TBC1D1: variants seen among roughly 807,000 people sequenced by gnomAD.
The protein encoded by TBC1D1 is TBC1 domain family member 1.
TBC1D1 carries 89 observed loss-of-function variants against 125.6 expected under a neutral mutation model. That is an observed-to-expected ratio of 0.71 (90% CI 0.60 to 0.85). The LOEUF (loss-of-function observed/expected upper bound fraction) is 0.85, where lower values mean the gene tolerates loss of function less well. Among genes scored for constraint, TBC1D1 ranks in the 40% least tolerant of loss-of-function variants. The pLI, the probability that TBC1D1 is intolerant of heterozygous loss-of-function variation, is 0.00. For missense variants in TBC1D1, 1,377 were observed against 1,469.2 expected (o/e 0.94, Z 1.03); for synonymous variants, 565 against 564.1 (o/e 1.00, Z -0.02).
chr4:37,941,714 G>A (rs1725607929), intron 2 of TBC1D1, among the ~76,000 whole-genome samples: 1 of 152,130 alleles, frequency 6.6e-6, no homozygotes, highest in African/African-American at 2.4e-5. Flanking sequence ...AGAGATTCTG[G>A]TATGTTGTGT....
At chr4:38,108,748 A>G (rs770177733) in intron 15 of TBC1D1, among the ~76,000 whole-genome samples, 2 of 152,228 alleles carry the variant, frequency 1.3e-5, no homozygotes, top group Non-Finnish European at 2.9e-5. Flanking sequence ...CTATAATCCA[A>G]TTTTTTAGAA....
intron 10 of TBC1D1, among the ~76,000 whole-genome samples, chr4:38,048,541 C>CTT (rs545432990): frequency 0.096 from 12,708 of 131,778 alleles, 1,770 homozygotes; most frequent in African/African-American, 0.31. Context: ...AAACACATTT[C>CTT]TTTTTTTTTT....
intron 2 of TBC1D1, among the ~76,000 whole-genome samples, chr4:37,954,228 G>A (rs1345773483): frequency 6.6e-6 from 1 of 152,150 alleles, no homozygotes; most frequent in Non-Finnish European, 1.5e-5. Flanking sequence ...AGGAGAGGAG[G>A]GGCAGACGTC....
At chr4:38,101,091 C>T (rs1578708904) in intron 14 of TBC1D1, among the ~76,000 whole-genome samples, 2 of 152,150 alleles carry the variant, frequency 1.3e-5, no homozygotes, top group East Asian at 3.9e-4. Context: ...TGGGCCAATA[C>T]ACATAACGTG....
chr4:37,918,629 G>GT (rs929614503), intron 2 of TBC1D1, among the ~76,000 whole-genome samples: 1 of 152,040 alleles, frequency 6.6e-6, no homozygotes, highest in African/African-American at 2.4e-5. Flanking sequence ...TCTATTTTTA[G>GT]TAGAGATGGG....
chr4:37,901,753 G>A (rs1716068561), intron 1 of TBC1D1, among the ~76,000 whole-genome samples: 1 of 152,246 alleles, frequency 6.6e-6, no homozygotes, highest in Non-Finnish European at 1.5e-5. Flanking sequence ...GTTGGCTTTA[G>A]GAGGTTTGTG....
In TBC1D1 at chr4:37,995,146, C is replaced by CA. The variant is rs1169070693; in HGVS notation, c.418-19362dup. Among the ~76,000 whole-genome samples the CA allele has an allele frequency of 6.6e-6, 1 of 152,190 alleles. No homozygotes were observed. Among genetic ancestry groups the CA allele is most frequent in the Non-Finnish European group, 1.5e-5 (1 of 68,044 alleles). ...TTTGTTTCCTTCGATACTGACACAA[C>CA]AGCCCTCGGGAAACTGACCTGGAGC... On this transcript the variant is annotated intron_variant, in intron 2 of 19. Transcript: ENST00000261439. The surrounding 1 kb of genome is among the most constrained non-coding windows in gnomAD (Gnocchi z 4.3).
chr4:37,955,391 A>G lies in TBC1D1; in HGVS notation c.417+52879A>G, dbSNP rs115723013. On this transcript the variant is annotated intron_variant, in intron 2 of 19. Coordinates refer to ENST00000261439, the MANE Select transcript of TBC1D1 (RefSeq NM_015173.4). Reference sequence around the variant, plus strand: ...ACCACCCCTGTGGATACCAAAATCCATGGATGCTCAAACCCCCGATATAAA... The same window carrying G: ...ACCACCCCTGTGGATACCAAAATCCGTGGATGCTCAAACCCCCGATATAAA... 2.9e-3 allele frequency among the ~76,000 whole-genome samples: 448 copies of G among 152,320 alleles called. 3 individuals are homozygous for G. The highest frequency in any genetic ancestry group is 0.01 in the African/African-American group (428 of 41,560).
chr4:37,970,994 G>A (rs1731901609), intron 2 of TBC1D1, among the ~76,000 whole-genome samples: 1 of 152,156 alleles, frequency 6.6e-6, no homozygotes, highest in Admixed American at 6.6e-5. Context: ...ACTTACAGGA[G>A]GTTTTGCCGC....
chr4:37,993,554 C>A lies in TBC1D1; in HGVS notation c.418-20955C>A, dbSNP rs538612830. 2.0e-5 allele frequency among the ~76,000 whole-genome samples: 3 copies of A among 152,124 alleles called. No individual in the cohort carries two copies. In the East Asian group the frequency reaches 5.8e-4, roughly 30 times the overall value. ...GCCCCTCAACATACAGTAGCACTCCCTTGGCATGGGGCAAACAACAAAGCT... is the reference window on the plus strand; with the variant it reads ...GCCCCTCAACATACAGTAGCACTCCATTGGCATGGGGCAAACAACAAAGCT... On this transcript the variant is annotated intron_variant, in intron 2 of 19. Transcript: ENST00000261439.
chr4:37,902,050 A>G lies in TBC1D1; in HGVS notation c.-46A>G. ...AAATAGATTGCTTGATCCAAAACAGAAAAACAGTGATAACTGTTTTGCTGA... is the reference window on the plus strand; with the variant it reads ...AAATAGATTGCTTGATCCAAAACAGGAAAACAGTGATAACTGTTTTGCTGA... On this transcript the variant is annotated 5_prime_UTR_variant, in exon 2 of 20. Transcript: ENST00000261439. 6.6e-7 allele frequency: 1 copy of G among 1,522,370 alleles called. No homozygotes were observed. The allele number at this position is 1,522,370 out of a possible 1,614,324, so 94.3% of individuals were successfully genotyped here. A position where few individuals can be genotyped will look rare whatever the true frequency, so the allele number is the denominator to read the frequency against.
chr4:37,902,141 G>A lies in TBC1D1; in HGVS notation c.46G>A (p.Glu16Lys), dbSNP rs753335447. 6 of 1,612,074 alleles carry A rather than the reference G, an allele frequency of 3.7e-6. No homozygotes were observed. Among genetic ancestry groups the A allele is most frequent in the South Asian group, 3.3e-5 (3 of 91,014 alleles). Residue 16 changes from glutamate to lysine, a missense_variant, in exon 2 of 20, where the codon GAG becomes AAG. Glu to Lys is a moderately conservative substitution (Grantham distance 56). Around this residue, in one of 3 missense-constraint regions of TBC1D1, gnomAD observed 822 missense variants for 824.6 expected, o/e 1.00. Coordinates refer to ENST00000261439, the MANE Select transcript of TBC1D1 (RefSeq NM_015173.4). ...AGCAAGGAAACATCTGCTTTCTAAC[G>A]AGGTCTCGGTGGATTTTGGCCTGCA...
At chr4:37,910,680 G>A (rs991927532) in intron 2 of TBC1D1, among the ~76,000 whole-genome samples, 1 of 151,976 alleles carries the variant, frequency 6.6e-6, no homozygotes, top group Non-Finnish European at 1.5e-5. Context: ...AGTGAGGGGA[G>A]ATGGTTAATG....
intron 2 of TBC1D1, among the ~76,000 whole-genome samples, chr4:37,916,543 G>T (rs1268662861): frequency 1.3e-5 from 2 of 152,134 alleles, no homozygotes; most frequent in Admixed American, 6.6e-5. Flanking sequence ...CATCTTGGTT[G>T]TGAAAAGACA....
At chr4:37,948,496 G>A (rs546377842) in intron 2 of TBC1D1, among the ~76,000 whole-genome samples, 64 of 152,014 alleles carry the variant, frequency 4.2e-4, no homozygotes, top group Non-Finnish European at 8.1e-4. Context: ...GCGTGGTGGC[G>A]CATGCCTGTA....
chr4:37,941,577 A>G (rs1024937589), intron 2 of TBC1D1, among the ~76,000 whole-genome samples: 2 of 151,692 alleles, frequency 1.3e-5, no homozygotes, highest in African/African-American at 4.8e-5. Context: ...TTTTGAATGT[A>G]TTTGCTCTTG....
At chr4:38,001,326 C>A (rs756711242) in intron 2 of TBC1D1, among the ~76,000 whole-genome samples, 1 of 152,136 alleles carries the variant, frequency 6.6e-6, no homozygotes, top group Admixed American at 6.5e-5. Context: ...AGCTTCCATG[C>A]CTCTTTGGGC....
Position 38,035,631 on chromosome 4 carries a change from T to C in TBC1D1, c.1346T>C (p.Ile449Thr). Residue 449 changes from isoleucine to threonine, a missense_variant, in exon 8 of 20, where the codon ATT becomes ACT. By Grantham distance (89) the Ile-to-Thr change is moderately conservative. Around this residue, in one of 3 missense-constraint regions of TBC1D1, gnomAD observed 822 missense variants for 824.6 expected, o/e 1.00. Transcript: ENST00000261439. ...GAGCAGCGAGAGAATGAATTGATTA[T>C]TTCTTTTCTGAGATGTTTATATGAA... The C allele has an allele frequency of 6.2e-7, 1 of 1,614,066 alleles. No homozygotes were observed. The highest frequency in any genetic ancestry group is 2.2e-5 in the East Asian group (1 of 44,866).
At chr4:38,054,554 GGA>G (rs1751333789) in intron 12 of TBC1D1, among the ~76,000 whole-genome samples, 1 of 152,198 alleles carries the variant, frequency 6.6e-6, no homozygotes, top group Admixed American at 6.5e-5. Flanking sequence ...TCCATAAACA[GGA>G]GCAGAGCTCT....
Sources: gnomAD v4.1 joint callset for allele counts (sites outside exome capture counted in the v4.1 genomes callset) on GRCh38, gnomAD v4.1.1 for gene constraint, gnomAD v4.1.1 regional missense constraint, Gnocchi (gnomAD v3.1) non-coding constraint, MANE v1.5 for transcripts, NCBI Gene and HGNC (gene_info 2026-07-23, HGNC 2026-07-21) for gene names.